SCAF11: variants seen among roughly 807,000 people sequenced by gnomAD.
SCAF11 encodes SR-related CTD associated factor 11.
In SCAF11, 47 loss-of-function variants were observed where a neutral mutation model predicts 140.5. The ratio of observed to expected loss-of-function variants is 0.33; its 90% confidence interval spans 0.26 to 0.43. The LOEUF is 0.43. Among genes scored for constraint, SCAF11 ranks in the 20% least tolerant of loss-of-function variants. The pLI is 1.00. For missense variants in SCAF11, 1,645 were observed against 1,705.1 expected (o/e 0.96, Z 0.62); for synonymous variants, 557 against 579.4 (o/e 0.96, Z 0.55).
chr12:45,930,193 C>T (rs1375325837), intron 10 of SCAF11, among the ~76,000 whole-genome samples: 2 of 152,204 alleles, frequency 1.3e-5, no homozygotes, highest in Non-Finnish European at 1.5e-5. Context: ...AGATCTCAAT[C>T]TGTTCCTATC....
At position 45,934,191 on chromosome 12, in the gene SCAF11, G is replaced by T; in HGVS notation, c.617C>A (p.Thr206Asn). Residue 206 changes from threonine to asparagine, a missense_variant, in exon 8 of 15, where the codon ACC becomes AAC. Physicochemically the swap from Thr to Asn is moderately conservative, Grantham distance 65 (BLOSUM62 0). Coordinates refer to ENST00000369367, the MANE Select transcript of SCAF11 (RefSeq NM_004719.3). ...AAATACTAACCAATAAGCTCTATAG[G>T]TAAAGGAAGATTCTCCAGAGTGGCT... ...SVSHSGESSF[T>N]YRAYCTEFIE... The T allele has an allele frequency of 6.3e-7, 1 of 1,584,908 alleles. No homozygotes were observed. Among genetic ancestry groups the T allele is most frequent in the Non-Finnish European group, 8.7e-7 (1 of 1,155,274 alleles).
intron 1 of SCAF11, among the ~76,000 whole-genome samples, chr12:45,983,048 G>GC (rs1350687262): frequency 6.6e-6 from 1 of 152,134 alleles, no homozygotes; most frequent in African/African-American, 2.4e-5. Flanking sequence ...AACGACTGAG[G>GC]CAAGTAAAGA....
chr12:45,939,656 C>A (rs895435678), intron 6 of SCAF11, among the ~76,000 whole-genome samples: 1 of 152,124 alleles, frequency 6.6e-6, no homozygotes, highest in Non-Finnish European at 1.5e-5. Flanking sequence ...CGAGATCGTG[C>A]CATTGAGATC....
rs746728774 is a variant in SCAF11, at chr12:45,948,473, T to C, written c.362A>G (p.Gln121Arg). ...DKKNENSFEKQVSCHENSKSC... is the reference protein window; with the variant it reads ...DKKNENSFEKRVSCHENSKSC... Reference sequence around the variant, plus strand: ...TTTAGAATTTTCATGACAGGAGACCTGTTTCTCAAATGAGTTTTCATTTTT... The same window carrying C: ...TTTAGAATTTTCATGACAGGAGACCCGTTTCTCAAATGAGTTTTCATTTTT... The change falls in exon 5 of 15, where the codon CAG becomes CGG. Residue 121 changes from glutamine (Q) to arginine (R), a missense_variant. Gln to Arg is a conservative substitution (Grantham distance 43). Around this residue, in one of 2 missense-constraint regions of SCAF11, gnomAD observed 1,582 missense variants for 1,609.2 expected, o/e 0.98. Coordinates refer to ENST00000369367, the MANE Select transcript of SCAF11 (RefSeq NM_004719.3). The C allele has an allele frequency of 9.3e-6, 15 of 1,611,706 alleles. No homozygotes were observed. Among genetic ancestry groups the C allele is most frequent in the African/African-American group, 1.3e-5 (1 of 74,852 alleles).
rs997375820 is a variant in SCAF11 at position 45,926,678 on chromosome 12, T to C, written c.3023A>G (p.Asp1008Gly). Residue 1008 changes from aspartate (D) to glycine (G), a missense_variant, in exon 11 of 15, where the codon GAT becomes GGT. Around this residue, in one of 2 missense-constraint regions of SCAF11, gnomAD observed 1,582 missense variants for 1,609.2 expected, o/e 0.98. Transcript: ENST00000369367. The stretch of plus-strand genomic sequence containing the variant: ...ATGTTTGTCAGCAGAATTTGGATCA[T>C]CAGCATCTAGATGGATGTCATTTTT... ...KEKNDIHLDA[D>G]DPNSADKHRN... 3.1e-6 allele frequency: 5 copies of C among 1,613,772 alleles called. No homozygotes were observed. Among genetic ancestry groups the C allele is most frequent in the Non-Finnish European group, 4.2e-6 (5 of 1,180,018 alleles).
intron 3 of SCAF11, among the ~76,000 whole-genome samples, chr12:45,956,942 A>G (rs959064239): frequency 3.9e-5 from 6 of 152,240 alleles, no homozygotes; most frequent in Non-Finnish European, 8.8e-5. Flanking sequence ...AATTTCCCAA[A>G]GGATTAATTC....
At chr12:45,965,966 C>T (rs1030095966) in intron 1 of SCAF11, among the ~76,000 whole-genome samples, 2 of 152,150 alleles carry the variant, frequency 1.3e-5, no homozygotes, top group Non-Finnish European at 2.9e-5. Flanking sequence ...CAAAATGAAT[C>T]AGCATTAGAA....
At chr12:45,932,613 A>G (rs1359763708) in intron 9 of SCAF11, among the ~76,000 whole-genome samples, 1 of 152,144 alleles carries the variant, frequency 6.6e-6, no homozygotes, top group Admixed American at 6.5e-5. Flanking sequence ...TTTACTTAGG[A>G]GCTTGATTTA....
Position 45,927,278 on chromosome 12 carries a change from G to A in SCAF11, c.2423C>T (p.Pro808Leu), listed in dbSNP as rs2136506754. 3 of 1,613,686 alleles carry A rather than the reference G, an allele frequency of 1.9e-6. No individual in the cohort carries two copies. The highest frequency in any genetic ancestry group is 1.3e-5 in the African/African-American group (1 of 74,930). Residue 808 changes from proline (P) to leucine (L), a missense_variant, in exon 11 of 15, where the codon CCA becomes CTA. Physicochemically the swap from Pro to Leu is moderately conservative, Grantham distance 98. Coordinates refer to ENST00000369367, the MANE Select transcript of SCAF11 (RefSeq NM_004719.3). Reference protein sequence around the residue: ...STTWSPNKDTPQEKKRPQSPS... With the variant: ...STTWSPNKDTLQEKKRPQSPS... ...AGACTGGGGCCGCTTCTTTTCTTGT[G>A]GAGTGTCTTTGTTGGGTGACCAAGT...
rs1288772336 is a variant in SCAF11 at position 45,990,400 on chromosome 12, G to C, written c.-69C>G. On this transcript the variant is annotated 5_prime_UTR_variant, in exon 1 of 15. Transcript: ENST00000369367. ...CGGTCCGGCCGCGGCCCCACAGTAG[G>C]TTCCCAGGTCCCAGTCACTCCGCTG... 8.1e-7 allele frequency: 1 copy of C among 1,232,544 alleles called. No individual in the cohort carries two copies. The highest frequency in any genetic ancestry group is 1.0e-6 in the Non-Finnish European group (1 of 988,712). The allele number at this position is 1,232,544 out of a possible 1,614,324, so 76.4% of individuals were successfully genotyped here. A position where few individuals can be genotyped will look rare whatever the true frequency, so the allele number is the denominator to read the frequency against.
At chr12:45,979,237 C>A (rs1306345565) in intron 1 of SCAF11, among the ~76,000 whole-genome samples, 15 of 151,314 alleles carry the variant, frequency 9.9e-5, no homozygotes, top group Non-Finnish European at 1.5e-5. Flanking sequence ...CCTAAAAGCC[C>A]CACCACTTAA....
In SCAF11 at chr12:45,990,429, A is replaced by G. The variant is rs935379362; in HGVS notation, c.-98T>C. 2.0e-5 allele frequency: 25 copies of G among 1,231,750 alleles called. No individual in the cohort carries two copies. The Admixed American group carries it at 4.2e-4, about 21-fold the overall frequency. The allele number at this position is 1,231,750 out of a possible 1,614,324, so 76.3% of individuals were successfully genotyped here. A position where few individuals can be genotyped will look rare whatever the true frequency, so the allele number is the denominator to read the frequency against. On this transcript the variant is annotated 5_prime_UTR_variant, in exon 1 of 15. Transcript: ENST00000369367. ...CCAGGTCCCAGTCACTCCGCTGCCAAGTTCCCCAACATGGACTCCTTCGTC... is the reference window on the plus strand; with the variant it reads ...CCAGGTCCCAGTCACTCCGCTGCCAGGTTCCCCAACATGGACTCCTTCGTC...
In SCAF11 at chr12:45,927,985, A is replaced by G; in HGVS notation, c.1716T>C (p.Ser572=). The G allele has an allele frequency of 6.2e-7, 1 of 1,612,910 alleles. No homozygotes were observed. Among genetic ancestry groups the G allele is most frequent in the Non-Finnish European group, 8.5e-7 (1 of 1,179,726 alleles). Residue 572 remains serine (S), a synonymous_variant, in exon 11 of 15, where the codon TCT becomes TCC. Transcript: ENST00000369367. The part of the protein sequence containing the change: ...QPVSCPLSDL[S]ENVESVVNEE... Reference sequence around the variant, plus strand: ...CATTAACCACTGACTCTACATTCTCAGATAAGTCACTTAGGGGACAAGATA... The same window carrying G: ...CATTAACCACTGACTCTACATTCTCGGATAAGTCACTTAGGGGACAAGATA...
chr12:45,967,092 A>G (rs1011614311), intron 1 of SCAF11, among the ~76,000 whole-genome samples: 12 of 152,176 alleles, frequency 7.9e-5, no homozygotes, highest in Admixed American at 6.5e-4. Context: ...TATAATTTAT[A>G]ATTTATATTT....
chr12:45,990,727 G>T, upstream of SCAF11: 1 of 564,788 alleles, frequency 1.8e-6, no homozygotes, highest in Non-Finnish European at 2.5e-6. Context: ...GGCCCTGAGT[G>T]CATGTTCGTA....
intron 6 of SCAF11, among the ~76,000 whole-genome samples, chr12:45,943,837 C>T (rs1235786688): frequency 6.6e-6 from 1 of 152,144 alleles, no homozygotes; most frequent in African/African-American, 2.4e-5. Context: ...ATAATGCTAA[C>T]CTTCTGGCAG....
chr12:45,988,042 G>A (rs574914030), intron 1 of SCAF11, among the ~76,000 whole-genome samples: 3 of 152,050 alleles, frequency 2.0e-5, no homozygotes, highest in Non-Finnish European at 4.4e-5. Flanking sequence ...TTTAACTCTG[G>A]GCTCTACTCA....
At chr12:45,988,866 G>C (rs1375360487) in intron 1 of SCAF11, among the ~76,000 whole-genome samples, 3 of 152,096 alleles carry the variant, frequency 2.0e-5, no homozygotes, top group African/African-American at 7.2e-5. Context: ...CTAAAATGCA[G>C]CTACCCTAAG....
chr12:45,952,029 G>A (rs1322402391), intron 3 of SCAF11, among the ~76,000 whole-genome samples: 1 of 152,118 alleles, frequency 6.6e-6, no homozygotes, highest in Admixed American at 6.6e-5. Flanking sequence ...GTAGTTCTGT[G>A]ATGTAAAGCT....
Sources: gnomAD v4.1 joint callset for allele counts (sites outside exome capture counted in the v4.1 genomes callset) on GRCh38, gnomAD v4.1.1 for gene constraint, gnomAD v4.1.1 regional missense constraint, MANE v1.5 for transcripts, NCBI Gene and HGNC (gene_info 2026-07-23, HGNC 2026-07-21) for gene names.